The following MSMO1 variants were observed in gnomAD, a reference collection of about 807,000 sequenced individuals.
The protein encoded by MSMO1 is methylsterol monooxygenase 1, also known as C-4 methylsterol oxidase.
Under a neutral mutation model 30.4 loss-of-function variants are expected in MSMO1, and 18 were observed. The observed-to-expected ratio is 0.59, with a 90% confidence interval of 0.41 to 0.88. The LOEUF (loss-of-function observed/expected upper bound fraction) is 0.88, where lower values mean the gene tolerates loss of function less well. Ranked by LOEUF, MSMO1 falls within the 40% of genes least tolerant of loss-of-function variation. The pLI is 0.00. For missense variants in MSMO1, 284 were observed against 340.5 expected (o/e 0.83, Z 1.31); for synonymous variants, 84 against 107.9 (o/e 0.78, Z 1.37).
At chr4:165,328,072 AG>A in intron 1 of MSMO1, 1 of 152,574 alleles carries the variant, frequency 6.6e-6, no homozygotes, top group East Asian at 1.9e-4. Flanking sequence ...GTTGCAGCAC[AG>A]GGTGATAGGC....
chr4:165,337,240 T>A (rs943955616), intron 2 of MSMO1, among the ~76,000 whole-genome samples: 1 of 152,192 alleles, frequency 6.6e-6, no homozygotes, highest in Admixed American at 6.5e-5. Context: ...ATCTAACTTT[T>A]CTCATTTTGA....
Position 165,340,334 on chromosome 4 carries a change from A to G in MSMO1, c.645A>G (p.Ala215=), listed in dbSNP as rs753316142. The part of the protein sequence containing the change: ...LLCDHVILLW[A]WVTIRLLETI... Reference sequence around the variant, plus strand: ...GTGATCATGTAATTCTTCTTTGGGCATGGGTGACCATTCGTTTATTAGAAA... The same window carrying G: ...GTGATCATGTAATTCTTCTTTGGGCGTGGGTGACCATTCGTTTATTAGAAA... Residue 215 remains alanine, a synonymous_variant, in exon 5 of 6, where the codon GCA becomes GCG. Coordinates refer to ENST00000261507, the MANE Select transcript of MSMO1 (RefSeq NM_006745.5). The G allele has an allele frequency of 1.9e-6, 3 of 1,613,908 alleles. No individual in the cohort carries two copies. In the South Asian group the frequency reaches 3.3e-5, roughly 18 times the overall value.
chr4:165,341,697 A>T (rs1017558308), intron 5 of MSMO1, 54 bp from the exon 6 acceptor site: 15 of 1,477,886 alleles, frequency 1.0e-5, no homozygotes, highest in Non-Finnish European at 1.3e-5. Context: ...AATAAAAACA[A>T]CAATCATTTG....
At position 165,341,761 on chromosome 4, in the gene MSMO1, A is replaced by G. The variant is rs1261355290; in HGVS notation, c.697A>G (p.Ile233Val). ...ETIDVHSGYD[I>V]PLNPLNLIPF... ...TCATTTTTGTTTCAGTGGTTATGATATTCCTCTCAACCCTTTAAATCTGAT... is the reference window on the plus strand; with the variant it reads ...TCATTTTTGTTTCAGTGGTTATGATGTTCCTCTCAACCCTTTAAATCTGAT... The change falls in exon 6 of 6, where the codon ATT becomes GTT. Residue 233 changes from isoleucine to valine, a missense_variant. Transcript: ENST00000261507. 1.2e-6 allele frequency: 2 copies of G among 1,609,240 alleles called. No individual in the cohort carries two copies. The highest frequency in any genetic ancestry group is 1.1e-5 in the South Asian group (1 of 90,948).
intron 1 of MSMO1, among the ~76,000 whole-genome samples, chr4:165,331,875 A>G (rs1476913909): frequency 6.6e-6 from 1 of 152,118 alleles, no homozygotes; most frequent in Non-Finnish European, 1.5e-5. Flanking sequence ...AATTGTGCAA[A>G]AGACATATGT....
intron 1 of MSMO1, among the ~76,000 whole-genome samples, chr4:165,331,853 T>G (rs1317986002): frequency 6.6e-6 from 1 of 152,192 alleles, no homozygotes; most frequent in African/African-American, 2.4e-5. Context: ...ACATGCTCAT[T>G]TAAAAAGTTT....
intron 1 of MSMO1, among the ~76,000 whole-genome samples, chr4:165,328,519 A>G (rs1747300231): frequency 6.6e-6 from 1 of 152,216 alleles, no homozygotes; most frequent in Non-Finnish European, 1.5e-5. Flanking sequence ...AGGCAGGGCA[A>G]GTCCAGAAAA....
At chr4:165,328,301 G>A (rs1360093095) in intron 1 of MSMO1, among the ~76,000 whole-genome samples, 1 of 152,174 alleles carries the variant, frequency 6.6e-6, no homozygotes, top group Non-Finnish European at 1.5e-5. Context: ...AAAATGTGAA[G>A]TGTAGGATGG....
At chr4:165,337,748 T>C (rs1188313764) in intron 2 of MSMO1, 41 bp from the exon 3 acceptor site, 12 of 1,602,818 alleles carry the variant, frequency 7.5e-6, no homozygotes, top group East Asian at 2.2e-5. Context: ...TAAACTCTGA[T>C]AGCAGAGACT....
rs185206704 is a variant in MSMO1 at position 165,334,504 on chromosome 4, T to C, written c.255+879T>C. 2.7e-4 allele frequency among the ~76,000 whole-genome samples: 41 copies of C among 152,166 alleles called. 1 individual carries two copies. Among genetic ancestry groups the C allele is most frequent in the African/African-American group, 9.4e-4 (39 of 41,492 alleles). ...ACGACCTTGATCAGGGCTATTCAAG[T>C]TTTTTTTCCCTAAATATATGGTAGG... On this transcript the variant is annotated intron_variant, in intron 2 of 5. Coordinates refer to ENST00000261507, the MANE Select transcript of MSMO1 (RefSeq NM_006745.5).
Position 165,329,625 on chromosome 4 carries a change from ATTTTTTTTTTTT to A in MSMO1, c.-32+1877_-32+1888del, listed in dbSNP as rs1171733863. Among the ~76,000 whole-genome samples, 19 of 68,008 alleles carry A rather than the reference ATTTTTTTTTTTT, an allele frequency of 2.8e-4. 1 individual carries two copies. In the East Asian group the frequency reaches 6.2e-3, roughly 22 times the overall value. 44.6% of individuals were successfully genotyped at this position (68,008 alleles called of 152,430 possible). A position where few individuals can be genotyped will look rare whatever the true frequency, so the allele number is the denominator to read the frequency against. ...ATTTGGCAGCTGGAGATCCATAGCG[ATTTTTTTTTTTT>A]TTTTTTTTTTTTTTTGAGACGGAGT... On this transcript the variant is annotated intron_variant, in intron 1 of 5. Transcript: ENST00000261507.
rs1465971123 is a variant in MSMO1 at position 165,333,587 on chromosome 4, C to G, written c.217C>G (p.Gln73Glu). Residue 73 changes from glutamine (Q) to glutamate (E), a missense_variant, in exon 2 of 6, where the codon CAA becomes GAA. Coordinates refer to ENST00000261507, the MANE Select transcript of MSMO1 (RefSeq NM_006745.5). ...FLFCLPGFLFQFIPYMKKYKI... is the reference protein window; with the variant it reads ...FLFCLPGFLFEFIPYMKKYKI... Reference sequence around the variant, plus strand: ...ATTCTGTTTACCTGGATTTTTATTTCAATTTATACCTTATATGAAAAAATA... The same window carrying G: ...ATTCTGTTTACCTGGATTTTTATTTGAATTTATACCTTATATGAAAAAATA... The G allele has an allele frequency of 6.2e-7, 1 of 1,600,066 alleles. No individual in the cohort carries two copies. The highest frequency in any genetic ancestry group is 2.2e-5 in the East Asian group (1 of 44,676).
At chr4:165,340,184 G>A (rs1488948027) in intron 4 of MSMO1, 37 bp from the exon 5 acceptor site, 20 of 1,600,666 alleles carry the variant, frequency 1.2e-5, no homozygotes, top group Non-Finnish European at 1.5e-5. Flanking sequence ...CATCACAATA[G>A]CTAAGAAATT....
At chr4:165,332,750 C>G (rs186298914) in intron 1 of MSMO1, among the ~76,000 whole-genome samples, 1 of 152,238 alleles carries the variant, frequency 6.6e-6, no homozygotes, top group Admixed American at 6.5e-5. Context: ...GACCATTTGC[C>G]TTTATTTTTC....
intron 2 of MSMO1, among the ~76,000 whole-genome samples, chr4:165,335,504 C>T (rs1382092533): frequency 1.3e-5 from 2 of 152,198 alleles, no homozygotes; most frequent in East Asian, 3.8e-4. Context: ...AGTTCTAATG[C>T]ACCTTTAGGG....
intron 1 of MSMO1, among the ~76,000 whole-genome samples, chr4:165,332,990 T>C (rs1747441344): frequency 2.0e-5 from 3 of 152,220 alleles, no homozygotes; most frequent in Non-Finnish European, 2.9e-5. Context: ...AGTGATACTT[T>C]TAAACCCAGC....
At chr4:165,332,217 A>G (rs913016008) in intron 1 of MSMO1, among the ~76,000 whole-genome samples, 1 of 152,196 alleles carries the variant, frequency 6.6e-6, no homozygotes, top group Non-Finnish European at 1.5e-5. Context: ...TAAAATACAT[A>G]TCCTTTTCAA....
chr4:165,338,738 G>A lies in MSMO1; in HGVS notation c.491G>A (p.Arg164Lys). The A allele has an allele frequency of 1.3e-6, 2 of 1,594,138 alleles. No homozygotes were observed. The highest frequency in any genetic ancestry group is 2.2e-5 in the South Asian group (2 of 90,556). The change falls in exon 4 of 6, where the codon AGA becomes AAA. Residue 164 changes from arginine (R) to lysine (K), a missense_variant. By Grantham distance (26) the Arg-to-Lys change is conservative (BLOSUM62 2). Coordinates refer to ENST00000261507, the MANE Select transcript of MSMO1 (RefSeq NM_006745.5). The part of the protein sequence containing the change: ...YFLHRLLHHK[R>K]IYKYIHKVHH... ...CTGCATAGACTCTTACACCACAAAA[G>A]AATATACAAGTATATTCATAAAGTT...
intron 4 of MSMO1, 149 bp downstream of exon 4, chr4:165,338,927 C>A: frequency 1.6e-6 from 1 of 612,242 alleles, no homozygotes. Flanking sequence ...TACAAACAAG[C>A]CATTTCTACA....
Sources: gnomAD v4.1 joint callset for allele counts (sites outside exome capture counted in the v4.1 genomes callset) on GRCh38, gnomAD v4.1.1 for gene constraint, MANE v1.5 for transcripts, NCBI Gene and HGNC (gene_info 2026-07-23, HGNC 2026-07-21) for gene names.